PDPR: variants seen among roughly 807,000 people sequenced by gnomAD.
The protein encoded by PDPR is pyruvate dehydrogenase phosphatase regulatory subunit, mitochondrial.
Under a neutral mutation model 102.2 loss-of-function variants are expected in PDPR, and 50 were observed. The observed-to-expected ratio is 0.49, with a 90% CI of 0.39 to 0.62. The LOEUF is 0.62. Among genes scored for constraint, PDPR ranks in the 20% least tolerant of loss-of-function variants. The probability of loss-of-function intolerance (pLI) is 0.00; values close to 1 mark genes in which losing one functional copy is unlikely to be tolerated. For missense variants in PDPR, 625 were observed against 1,098.2 expected (o/e 0.57, Z 6.09); for synonymous variants, 259 against 406.0 (o/e 0.64, Z 4.35).
rs763382617 is a variant in PDPR at position 70,148,564 on chromosome 16, A to ACCCTT, written c.2052+28_2052+32dup. On this transcript the variant is annotated intron_variant, in intron 17 of 18. Transcript: ENST00000288050. ...TACATCCCCATAGAGGTGAGAGGGC[A>ACCCTT]CCCTTCCCTTCCCTTCCCTTCACTT... 1.1e-4 allele frequency: 176 copies of ACCCTT among 1,601,768 alleles called. No individual in the cohort carries two copies. The highest frequency in any genetic ancestry group is 1.0e-3 in the Middle Eastern group (6 of 6,030).
At position 70,162,197 on chromosome 16, in the gene PDPR, T is replaced by G. The variant is rs1183472692; in HGVS notation, c.*5318T>G. On this transcript the variant is annotated 3_prime_UTR_variant, in exon 19 of 19. Coordinates refer to ENST00000288050, the MANE Select transcript of PDPR (RefSeq NM_017990.5). Reference sequence around the variant, plus strand: ...GTGTTCTAGCAGCTCAGTTAACACTTTACTCTCCAGTCAACACTTGGGACA... The same window carrying G: ...GTGTTCTAGCAGCTCAGTTAACACTGTACTCTCCAGTCAACACTTGGGACA... 6.6e-6 allele frequency: 1 copy of G among 152,538 alleles called. No individual in the cohort carries two copies. Among genetic ancestry groups the G allele is most frequent in the East Asian group, 1.9e-4 (1 of 5,202 alleles). 9.4% of individuals were successfully genotyped at this position (152,538 alleles called of 1,614,324 possible). A position where few individuals can be genotyped will look rare whatever the true frequency, so the allele number is the denominator to read the frequency against.
At chr16:70,125,577 A>ATG (rs1597308744) in intron 3 of PDPR, among the ~76,000 whole-genome samples, 1 of 45,896 alleles carries the variant, frequency 2.2e-5, no homozygotes, top group Non-Finnish European at 4.9e-5. Flanking sequence ...AAAAAAAAGT[A>ATG]TATATATATA....
chr16:70,153,593 T>C lies in PDPR; in HGVS notation c.2235+20T>C, dbSNP rs774769204. ...GAGAAGGTACTGTGTTTACCCAGAC[T>C]CCACTTTCACTCAGCATCCCGAGTA... On this transcript the variant is annotated intron_variant, in intron 18 of 18. Transcript: ENST00000288050. The C allele has an allele frequency of 6.3e-7, 1 of 1,578,406 alleles. No homozygotes were observed. Among genetic ancestry groups the C allele is most frequent in the Non-Finnish European group, 8.6e-7 (1 of 1,163,180 alleles).
intron 17 of PDPR, among the ~76,000 whole-genome samples, chr16:70,150,017 C>T (rs1966587388): frequency 1.3e-5 from 2 of 152,058 alleles, no homozygotes; most frequent in East Asian, 1.9e-4. Flanking sequence ...GTCTCGATCT[C>T]CTACCTCGTG....
chr16:70,130,196 G>A (rs149300970), intron 6 of PDPR, among the ~76,000 whole-genome samples: 15,977 of 147,344 alleles, frequency 0.11, no homozygotes, highest in African/African-American at 0.13. Flanking sequence ...GAGAGGCTGA[G>A]GCAGGAGAAT....
At chr16:70,119,261 C>T (rs1490427160) in intron 2 of PDPR, among the ~76,000 whole-genome samples, 1 of 152,076 alleles carries the variant, frequency 6.6e-6, no homozygotes, top group East Asian at 1.9e-4. Context: ...AGGAAGTCAA[C>T]TCTGTTTTTC....
rs1459520671 is a variant in PDPR, at chr16:70,162,436, C to T, written c.*5557C>T. ...AGCATTTCTGCCCCTGTGAATGTGG[C>T]ACTAACACTGTGCACTGTCTCCACC... On this transcript the variant is annotated 3_prime_UTR_variant, in exon 19 of 19. Coordinates refer to ENST00000288050, the MANE Select transcript of PDPR (RefSeq NM_017990.5). The T allele has an allele frequency of 1.3e-5, 2 of 152,464 alleles. No homozygotes were observed. Among genetic ancestry groups the T allele is most frequent in the Admixed American group, 6.5e-5 (1 of 15,288 alleles). The allele number at this position is 152,464 out of a possible 1,614,324, so 9.4% of individuals were successfully genotyped here.
chr16:70,155,972 C>T (rs1055082922), intron 18 of PDPR, among the ~76,000 whole-genome samples: 7 of 152,188 alleles, frequency 4.6e-5, no homozygotes, highest in Non-Finnish European at 8.8e-5. Context: ...TCACTGCAGC[C>T]TCTGCCTCCC....
intron 8 of PDPR, chr16:70,131,776 C>G: frequency 1.0e-6 from 1 of 985,326 alleles, no homozygotes; most frequent in African/African-American, 1.7e-5. Context: ...GTTCCAAGCA[C>G]TGTAGGAGAG....
rs1458207035 is a variant in PDPR at position 70,142,547 on chromosome 16, C to A, written c.1472-6C>A. 6.2e-7 allele frequency: 1 copy of A among 1,613,552 alleles called. No individual in the cohort carries two copies. Among genetic ancestry groups the A allele is most frequent in the Admixed American group, 1.7e-5 (1 of 59,902 alleles). On this transcript the variant is annotated splice_polypyrimidine_tract_variant and splice_region_variant and intron_variant, in intron 12 of 18. Coordinates refer to ENST00000288050, the MANE Select transcript of PDPR (RefSeq NM_017990.5). ...TACAGGGCCTTGTGATTTTTCCATT[C>A]CGTAGACCTCCTGGCATTGGAGCAG...
At position 70,157,740 on chromosome 16, in the gene PDPR, C is replaced by T. The variant is rs1967378562; in HGVS notation, c.*861C>T. 6.4e-6 allele frequency: 1 copy of T among 156,368 alleles called. No individual in the cohort carries two copies. Among genetic ancestry groups the T allele is most frequent in the Non-Finnish European group, 1.4e-5 (1 of 70,584 alleles). 9.7% of individuals were successfully genotyped at this position (156,368 alleles called of 1,614,324 possible). A position where few individuals can be genotyped will look rare whatever the true frequency, so the allele number is the denominator to read the frequency against. ...CCCACCAGTGATGCTGAGTGTTCTGCTATGGAAACAATGCTGCTTTTCTCT... is the reference window on the plus strand; with the variant it reads ...CCCACCAGTGATGCTGAGTGTTCTGTTATGGAAACAATGCTGCTTTTCTCT... On this transcript the variant is annotated 3_prime_UTR_variant, in exon 19 of 19. Coordinates refer to ENST00000288050, the MANE Select transcript of PDPR (RefSeq NM_017990.5).
intron 10 of PDPR, among the ~76,000 whole-genome samples, chr16:70,136,747 GGTTT>G (rs1303541810): frequency 1.3e-5 from 2 of 152,114 alleles, no homozygotes; most frequent in African/African-American, 2.4e-5. Context: ...GGTAATACAC[GGTTT>G]GTTTGTTTTT....
At chr16:70,114,218 T>G (rs1021957088), upstream of PDPR, 13 of 152,228 alleles carry the variant, frequency 8.5e-5, no homozygotes, top group Non-Finnish European at 1.6e-4. Flanking sequence ...GGCGCGCTCG[T>G]GCGCTGCTGA....
rs556855365 is a variant in PDPR at position 70,151,760 on chromosome 16, G to A, written c.2053-1631G>A. Among the ~76,000 whole-genome samples the A allele has an allele frequency of 2.4e-4, 37 of 152,302 alleles. No individual in the cohort carries two copies. The East Asian group carries it at 6.6e-3, about 27-fold the overall frequency. On this transcript the variant is annotated intron_variant, in intron 17 of 18. Coordinates refer to ENST00000288050, the MANE Select transcript of PDPR (RefSeq NM_017990.5). ...CTAAGAGATTATTTGTGCCACGCTT[G>A]GGTTCTTTATAAGCTGGCTTTTGTC...
In PDPR at chr16:70,162,088, C is replaced by T. The variant is rs187027383; in HGVS notation, c.*5209C>T. 6 of 152,478 alleles carry T rather than the reference C, an allele frequency of 3.9e-5. No homozygotes were observed. The highest frequency in any genetic ancestry group is 1.4e-4 in the African/African-American group (6 of 41,460). 9.4% of individuals were successfully genotyped at this position (152,478 alleles called of 1,614,324 possible). ...TTGGAAGAAAGAGAAAAGTTCATCT[C>T]GGTGTGTGGGTTCCCATCCGCCCCA... On this transcript the variant is annotated 3_prime_UTR_variant, in exon 19 of 19. Transcript: ENST00000288050.
chr16:70,124,729 A>T (rs1963743708), intron 3 of PDPR, among the ~76,000 whole-genome samples: 1 of 152,228 alleles, frequency 6.6e-6, no homozygotes. Context: ...TGGAACTCCC[A>T]CCTGGGGTGG....
At chr16:70,153,083 A>C (rs1394096544) in intron 17 of PDPR, among the ~76,000 whole-genome samples, 2 of 152,302 alleles carry the variant, frequency 1.3e-5, no homozygotes, top group Non-Finnish European at 2.9e-5. Flanking sequence ...GCCATTTACC[A>C]AATGGTGAGA....
chr16:70,150,555 G>A (rs1167649085), intron 17 of PDPR, among the ~76,000 whole-genome samples: 1 of 62,034 alleles, frequency 1.6e-5, no homozygotes, highest in Non-Finnish European at 3.5e-5. Context: ...TGTGAGACAG[G>A]GCATTGCTCT....
chr16:70,135,137 T>A lies in PDPR; in HGVS notation c.998-1057T>A, dbSNP rs1597336640. Among the ~76,000 whole-genome samples, 3 of 152,376 alleles carry A rather than the reference T, an allele frequency of 2.0e-5. No individual in the cohort carries two copies. The East Asian group carries it at 5.8e-4, about 29-fold the overall frequency. ...ATTATCCAGCTCTGGTCTGGTTTCA[T>A]CTTTTTCTGCTGTCCACTGGATTAT... On this transcript the variant is annotated intron_variant, in intron 9 of 18. Coordinates refer to ENST00000288050, the MANE Select transcript of PDPR (RefSeq NM_017990.5).
Sources: gnomAD v4.1 joint callset for allele counts (sites outside exome capture counted in the v4.1 genomes callset) on GRCh38, gnomAD v4.1.1 for gene constraint, MANE v1.5 for transcripts, NCBI Gene and HGNC (gene_info 2026-07-23, HGNC 2026-07-21) for gene names.